Variants in FHOD3 observed in about 807,000 individuals in gnomAD.
FHOD3 encodes formin homology 2 domain containing 3, also known as FH1/FH2 domain-containing protein 3.
Under a neutral mutation model 173.0 loss-of-function variants are expected in FHOD3, and 90 were observed. That is an observed-to-expected ratio of 0.52 (90% CI 0.44 to 0.62). The LOEUF (loss-of-function observed/expected upper bound fraction) is 0.62, where lower values mean the gene tolerates loss of function less well. FHOD3 is among the 20% of genes least tolerant of loss of function. FHOD3 has a pLI of 0.00. For missense variants in FHOD3, 1,945 were observed against 2,034.7 expected (o/e 0.96, Z 0.85); for synonymous variants, 828 against 823.0 (o/e 1.01, Z -0.10).
At chr18:36,310,707 G>GA (rs925510337) in intron 1 of FHOD3, among the ~76,000 whole-genome samples, 17 of 145,326 alleles carry the variant, frequency 1.2e-4, no homozygotes, top group Middle Eastern at 3.5e-3. Context: ...AAAAAGAAAA[G>GA]AAAAAAAAAA....
At chr18:36,454,655 C>T (rs1546563) in intron 3 of FHOD3, among the ~76,000 whole-genome samples, 15,613 of 150,720 alleles carry the variant, frequency 0.1, 1,636 homozygotes, top group African/African-American at 0.26. Context: ...AAATTCTGTC[C>T]GTTCCATTTT....
intron 3 of FHOD3, among the ~76,000 whole-genome samples, chr18:36,387,467 T>C (rs973491877): frequency 2.0e-5 from 3 of 152,194 alleles, no homozygotes; most frequent in South Asian, 4.1e-4. Context: ...TCATTTATGT[T>C]ACTGTAATGT....
intron 3 of FHOD3, among the ~76,000 whole-genome samples, chr18:36,397,815 A>C (rs1299315696): frequency 6.6e-6 from 1 of 152,116 alleles, no homozygotes; most frequent in Non-Finnish European, 1.5e-5. Context: ...TTCCAGGGGG[A>C]TCAGATTGAC....
At chr18:36,618,438 G>C (rs375934286) in intron 9 of FHOD3, among the ~76,000 whole-genome samples, 1 of 146,638 alleles carries the variant, frequency 6.8e-6, no homozygotes, top group Admixed American at 7.0e-5. Flanking sequence ...TCAGCCTCCC[G>C]ACTAGCTGGG....
chr18:36,559,043 C>T (rs1028069610), intron 5 of FHOD3, among the ~76,000 whole-genome samples: 3 of 152,200 alleles, frequency 2.0e-5, no homozygotes, highest in African/African-American at 4.8e-5. Context: ...CACCTGGCTA[C>T]AACCAACTCG....
intron 25 of FHOD3, 86 bp downstream of exon 25, chr18:36,755,397 CTTTTT>C (rs200164880): frequency 1.3e-3 from 275 of 212,456 alleles, no homozygotes; most frequent in Middle Eastern, 3.2e-3. Flanking sequence ...AAAAGCTGTG[CTTTTT>C]TTTTTTTTTT....
intron 5 of FHOD3, among the ~76,000 whole-genome samples, chr18:36,516,334 G>A (rs1053343101): frequency 6.6e-6 from 1 of 152,178 alleles, no homozygotes; most frequent in African/African-American, 2.4e-5. Flanking sequence ...CCCATGCAGG[G>A]CCACTCAGGA....
intron 3 of FHOD3, among the ~76,000 whole-genome samples, chr18:36,496,633 A>G (rs1469348894): frequency 6.6e-6 from 1 of 152,240 alleles, no homozygotes; most frequent in African/African-American, 2.4e-5. Context: ...TGTCTTTCCA[A>G]AGACAGTACT....
chr18:36,490,941 A>G (rs940923309), intron 3 of FHOD3, among the ~76,000 whole-genome samples: 1 of 152,154 alleles, frequency 6.6e-6, no homozygotes, highest in African/African-American at 2.4e-5. Context: ...AAGCTCATCT[A>G]TGGAATCCCG....
At chr18:36,543,039 A>G (rs1014378374) in intron 5 of FHOD3, among the ~76,000 whole-genome samples, 2 of 152,216 alleles carry the variant, frequency 1.3e-5, no homozygotes, top group African/African-American at 4.8e-5. Flanking sequence ...TGGGTGAACC[A>G]CATCCAATCA....
At chr18:36,607,564 G>T (rs745441295) in intron 8 of FHOD3, among the ~76,000 whole-genome samples, 2 of 152,106 alleles carry the variant, frequency 1.3e-5, no homozygotes, top group Non-Finnish European at 2.9e-5. Flanking sequence ...CATGCCTTTG[G>T]TTTGCTTTCC....
chr18:36,701,743 C>T (rs1435568356), intron 17 of FHOD3, among the ~76,000 whole-genome samples: 1 of 152,184 alleles, frequency 6.6e-6, no homozygotes, highest in South Asian at 2.1e-4. Flanking sequence ...AATCCCAGCA[C>T]TTAAGGAGTT....
At chr18:36,733,597 C>A (rs1056881377) in intron 20 of FHOD3, among the ~76,000 whole-genome samples, 11 of 152,200 alleles carry the variant, frequency 7.2e-5, no homozygotes, top group Non-Finnish European at 1.6e-4. Context: ...GTTTCAGATA[C>A]AATAAGTTAC....
intron 15 of FHOD3, among the ~76,000 whole-genome samples, chr18:36,683,183 C>A (rs2038370360): frequency 6.6e-6 from 1 of 152,192 alleles, no homozygotes; most frequent in Admixed American, 6.5e-5. Flanking sequence ...GAAGTTGTCA[C>A]TTTTAGAAAG....
intron 4 of FHOD3, among the ~76,000 whole-genome samples, chr18:36,506,181 G>A (rs1474794721): frequency 6.6e-6 from 1 of 152,118 alleles, no homozygotes; most frequent in Non-Finnish European, 1.5e-5. Flanking sequence ...CATTAATTTA[G>A]GATATCCTTA....
intron 7 of FHOD3, among the ~76,000 whole-genome samples, chr18:36,599,518 G>A (rs1161375368): frequency 6.6e-6 from 1 of 152,202 alleles, no homozygotes; most frequent in Non-Finnish European, 1.5e-5. Context: ...TATAGCAGAA[G>A]CATCCACATT....
At position 36,541,288 on chromosome 18, in the gene FHOD3, A is replaced by T. The variant is rs541859226; in HGVS notation, c.511+28745A>T. The stretch of plus-strand genomic sequence containing the variant: ...AAAAAAAAAAGAAAGAAAAAAGAAA[A>T]AAAGTGTTGGCAGGGCGTGGTGCCT... On this transcript the variant is annotated intron_variant, in intron 5 of 28. Transcript: ENST00000590592. Among the ~76,000 whole-genome samples, 149 of 141,482 alleles carry T rather than the reference A, an allele frequency of 1.1e-3. 1 individual carries two copies. Among genetic ancestry groups the T allele is most frequent in the African/African-American group, 3.4e-3 (129 of 38,170 alleles). 92.8% of individuals were successfully genotyped at this position (141,482 alleles called of 152,430 possible).
At position 36,436,105 on chromosome 18, in the gene FHOD3, A is replaced by G. The variant is rs568210252; in HGVS notation, c.337+63361A>G. Among the ~76,000 whole-genome samples the G allele has an allele frequency of 2.6e-5, 4 of 152,338 alleles. No individual in the cohort carries two copies. The South Asian group carries it at 8.3e-4, about 32-fold the overall frequency. ...TATACAGGCAAAGGTGTTAAAAATTATCCTTCCTTTTATATGCTAAAATGG... is the reference window on the plus strand; with the variant it reads ...TATACAGGCAAAGGTGTTAAAAATTGTCCTTCCTTTTATATGCTAAAATGG... On this transcript the variant is annotated intron_variant, in intron 3 of 28. Transcript: ENST00000590592.
chr18:36,404,592 G>A (rs2048973176), intron 3 of FHOD3, among the ~76,000 whole-genome samples: 1 of 152,160 alleles, frequency 6.6e-6, no homozygotes, highest in Admixed American at 6.5e-5. Flanking sequence ...ACTCAGATTT[G>A]GTAGGTCTCG....
Sources: gnomAD v4.1 joint callset for allele counts (sites outside exome capture counted in the v4.1 genomes callset) on GRCh38, gnomAD v4.1.1 for gene constraint, MANE v1.5 for transcripts, NCBI Gene and HGNC (gene_info 2026-07-23, HGNC 2026-07-21) for gene names.